Variants in AP1S2 observed in about 807,000 individuals in gnomAD.
AP1S2 encodes the protein AP-1 complex subunit sigma-2.
In AP1S2, 1 loss-of-function variant was observed where a neutral mutation model predicts 14.3. The ratio of observed to expected loss-of-function variants is 0.07; its 90% CI spans 0.02 to 0.33. The LOEUF (loss-of-function observed/expected upper bound fraction) is 0.33, where lower values mean the gene tolerates loss of function less well. Among genes scored for constraint, AP1S2 ranks in the 10% least tolerant of loss-of-function variants. AP1S2 has a pLI of 0.99. For missense variants in AP1S2, 30 were observed against 117.7 expected, an observed-to-expected ratio of 0.25 and a Z score of 3.45; for synonymous variants, 30 against 40.5, an observed-to-expected ratio of 0.74 and a Z score of 0.99.
At chrX:15,836,782 G>A (rs1038598545) in intron 4 of AP1S2, among the ~76,000 whole-genome samples, 1 of 111,606 alleles carries the variant, frequency 9.0e-6, no homozygotes, top group African/African-American at 3.3e-5. Flanking sequence ...TACTCGGGAG[G>A]CTGAGGTGGG....
chrX:15,847,917 G>T (rs1004471754), intron 2 of AP1S2, among the ~76,000 whole-genome samples: 2 of 111,818 alleles, frequency 1.8e-5, no homozygotes, highest in Non-Finnish European at 3.8e-5. Flanking sequence ...TTTTATTTAA[G>T]ATTTCCTCAT....
intron 2 of AP1S2, 74 bp downstream of exon 2, chrX:15,852,272 C>T: frequency 2.2e-6 from 2 of 926,823 alleles, no homozygotes; most frequent in South Asian, 4.2e-5. Context: ...TAAATGTCAT[C>T]ACTGAAGTCT....
At chrX:15,838,006 G>A (rs1172621183) in intron 4 of AP1S2, among the ~76,000 whole-genome samples, 1 of 111,339 alleles carries the variant, frequency 9.0e-6, no homozygotes, top group Non-Finnish European at 1.9e-5. Context: ...TTATACTGTG[G>A]TCTACATATA....
intron 4 of AP1S2, among the ~76,000 whole-genome samples, chrX:15,842,288 G>A (rs1933859346): frequency 8.9e-6 from 1 of 111,933 alleles, no homozygotes. Context: ...CTATTTTTAG[G>A]AAACATGCAT....
chrX:15,828,247 AC>A, intron 4 of AP1S2, 47 bp from the exon 5 acceptor site: 1 of 1,019,645 alleles, frequency 9.8e-7, no homozygotes, highest in Non-Finnish European at 1.3e-6. Context: ...ATTATATTAA[AC>A]CATAAATCTT....
chrX:15,834,604 T>C (rs2147303283), intron 4 of AP1S2, among the ~76,000 whole-genome samples: 1 of 95,801 alleles, frequency 1.0e-5, no homozygotes, highest in East Asian at 3.3e-4. Context: ...GCTTCCTGAG[T>C]AGCTGGGATT....
At chrX:15,852,595 C>G in intron 1 of AP1S2, 71 bp from the exon 2 acceptor site, 1 of 1,032,434 alleles carries the variant, frequency 9.7e-7, no homozygotes, top group African/African-American at 1.9e-5. Flanking sequence ...ATGTGTTTCA[C>G]AGAGAAGTTT....
At position 15,845,532 on chromosome X, in the gene AP1S2, A is replaced by G. The variant is rs1933974261; in HGVS notation, c.289-16T>C. ...GTTCACAGACCTGAAAAGGAAAAAA[A>G]AAAGAAAAAAGAAAAGAAAAAATTG... is the stretch of plus-strand genomic sequence containing the variant. On this transcript the variant is annotated splice_polypyrimidine_tract_variant and intron_variant, in intron 3 of 5. Coordinates refer to ENST00000672987, the MANE Select transcript of AP1S2 (RefSeq NM_001272071.2). 2.5e-6 allele frequency: 3 copies of G among 1,196,577 alleles called. No homozygotes were observed. The highest frequency in any genetic ancestry group is 3.4e-6 in the Non-Finnish European group (3 of 890,673).
chrX:15,837,688 C>A (rs545031743), intron 4 of AP1S2, among the ~76,000 whole-genome samples: 3 of 103,455 alleles, frequency 2.9e-5, no homozygotes, highest in South Asian at 4.5e-4. Flanking sequence ...TTCACTGCAA[C>A]CTCCGACTCC....
intron 4 of AP1S2, among the ~76,000 whole-genome samples, chrX:15,836,515 A>C (rs1240797479): frequency 8.9e-6 from 1 of 111,917 alleles, no homozygotes; most frequent in African/African-American, 3.3e-5. Context: ...TATAAATAAC[A>C]CTCTAAAACC....
At chrX:15,833,490 C>T in intron 4 of AP1S2, 2 of 872,087 alleles carry the variant, frequency 2.3e-6, no homozygotes, top group South Asian at 5.8e-5. Flanking sequence ...AACCCCTCTT[C>T]ACTGGAAAAA....
intron 4 of AP1S2, chrX:15,830,014 TTTTATG>T (rs1933381430): frequency 1.5e-6 from 1 of 659,791 alleles, no homozygotes; most frequent in African/African-American, 2.4e-5. Flanking sequence ...TAAAACGTTA[TTTTATG>T]AGGGATGGAA....
intron 4 of AP1S2, among the ~76,000 whole-genome samples, chrX:15,836,671 C>T (rs755649098): frequency 4.1e-4 from 46 of 111,641 alleles, no homozygotes; most frequent in Non-Finnish European, 7.5e-4. Flanking sequence ...GCATGAGCCT[C>T]GGAGTTCAAG....
At chrX:15,834,480 A>ATATATATATATATATATAT (rs1483118039) in intron 4 of AP1S2, among the ~76,000 whole-genome samples, 19 of 20,340 alleles carry the variant, frequency 9.3e-4, no homozygotes, top group Non-Finnish European at 1.1e-3. Context: ...ATATATATAT[A>ATATATATATATATATATAT]ATTTTTTTTT....
chrX:15,846,089 G>T, intron 2 of AP1S2, 78 bp from the exon 3 acceptor site: 1 of 745,301 alleles, frequency 1.3e-6, no homozygotes, highest in Non-Finnish European at 2.1e-6. Context: ...ATCCTATTAT[G>T]AAAAGCCCCA....
chrX:15,845,193 C>T (rs1259154898), intron 4 of AP1S2, 186 bp downstream of exon 4: 1 of 752,338 alleles, frequency 1.3e-6, no homozygotes, highest in Non-Finnish European at 1.6e-6. Context: ...CCAAACTGAA[C>T]CATCCATCCA....
chrX:15,854,020 T>C (rs1448218853), intron 1 of AP1S2, among the ~76,000 whole-genome samples: 1 of 111,932 alleles, frequency 8.9e-6, no homozygotes. Flanking sequence ...CAGGGTCCTG[T>C]ATCCGCCCTA....
At chrX:15,830,592 G>A (rs1933404602) in intron 4 of AP1S2, 1 of 632,958 alleles carries the variant, frequency 1.6e-6, no homozygotes, top group African/African-American at 2.5e-5. Flanking sequence ...TATGCTGCAT[G>A]TTTTATTAAA....
chrX:15,832,927 C>A, intron 4 of AP1S2: 1 of 1,070,015 alleles, frequency 9.3e-7, no homozygotes, highest in Non-Finnish European at 1.2e-6. Flanking sequence ...CATTTTGATG[C>A]ATGTCAGTAC....
Sources: allele counts gnomAD v4.1 joint callset (sites outside exome capture counted in the v4.1 genomes callset), GRCh38; gene constraint gnomAD v4.1.1; transcripts MANE v1.5; gene names NCBI Gene and HGNC (gene_info 2026-07-23, HGNC 2026-07-21).